TMIE: variants seen among roughly 807,000 people sequenced by gnomAD.
TMIE encodes transmembrane inner ear.
A neutral mutation model predicts 16.8 loss-of-function variants in TMIE; 14 were observed. That is an observed-to-expected ratio of 0.83 (90% CI 0.55 to 1.30). The LOEUF (loss-of-function observed/expected upper bound fraction) is 1.30. TMIE is among the 50% of genes most tolerant of loss of function. The pLI is 0.00. For synonymous variants in TMIE, 75 were observed against 87.2 expected, an observed-to-expected ratio of 0.86 and a Z score of 0.78; for missense variants, 204 against 205.9, an observed-to-expected ratio of 0.99 and a Z score of 0.06.
intron 2 of TMIE, among the ~76,000 whole-genome samples, chr3:46,707,208 C>T (rs1404080222): frequency 6.6e-6 from 1 of 152,202 alleles, no homozygotes; most frequent in Non-Finnish European, 1.5e-5. Flanking sequence ...ATCTGCCCTA[C>T]AGGAGCCACA....
At chr3:46,704,458 A>G (rs1480366869) in intron 1 of TMIE, among the ~76,000 whole-genome samples, 3 of 140,294 alleles carry the variant, frequency 2.1e-5, no homozygotes, top group African/African-American at 5.5e-5. Context: ...CATGTCCCCT[A>G]GACACCCAGG....
At chr3:46,709,495 T>C in intron 3 of TMIE, 84 bp from the exon 4 acceptor site, 1 of 1,613,244 alleles carries the variant, frequency 6.2e-7, no homozygotes, top group Non-Finnish European at 8.5e-7. Flanking sequence ...GTGTAGGAGG[T>C]TCTGGGGCTC....
At position 46,705,845 on chromosome 3, in the gene TMIE, T is replaced by G. The variant is rs1257084555; in HGVS notation, c.149T>G (p.Val50Gly). Residue 50 changes from valine (V) to glycine (G), a missense_variant, in exon 2 of 4, where the codon GTG becomes GGG. Coordinates refer to ENST00000643606, the MANE Select transcript of TMIE (RefSeq NM_147196.3). Reference protein sequence around the residue: ...KPPPLTKETVVFWDMRLWHVV... With the variant: ...KPPPLTKETVGFWDMRLWHVV... ...CCTCCGCTGACCAAGGAGACAGTGG[T>G]GTTCTGGGACATGCGCCTGTGGCAC... 6.2e-7 allele frequency: 1 copy of G among 1,614,076 alleles called. No individual in the cohort carries two copies.
At chr3:46,708,846 G>C (rs1295341134) in intron 2 of TMIE, among the ~76,000 whole-genome samples, 3 of 152,252 alleles carry the variant, frequency 2.0e-5, no homozygotes, top group African/African-American at 7.2e-5. Flanking sequence ...TCTCAGTCTA[G>C]TCAGAAAGAC....
upstream of TMIE, among the ~76,000 whole-genome samples, chr3:46,699,060 A>AT (rs397951323): frequency 0.045 from 3,813 of 84,824 alleles, 520 homozygotes; most frequent in Admixed American, 0.16. Flanking sequence ...GGTGTTTCTT[A>AT]TTTTTTTTTT....
intron 1 of TMIE, among the ~76,000 whole-genome samples, chr3:46,705,410 C>A (rs74610487): frequency 6.6e-6 from 1 of 152,170 alleles, no homozygotes; most frequent in Non-Finnish European, 1.5e-5. Flanking sequence ...TTAGCCAGCA[C>A]CCCCCAGGCC....
intron 2 of TMIE, 113 bp downstream of exon 2, chr3:46,706,020 C>A: frequency 9.1e-7 from 1 of 1,095,684 alleles, no homozygotes; most frequent in Non-Finnish European, 1.4e-6. Flanking sequence ...GCCAGGCACC[C>A]GCAGGAGACC....
chr3:46,694,711 C>A (rs1227295853), intron 1 of TMIE: 1 of 152,270 alleles, frequency 6.6e-6, no homozygotes, highest in Non-Finnish European at 1.5e-5. Flanking sequence ...CTGCACATCA[C>A]CCCTTGGAGG....
chr3:46,709,341 C>T (rs1165083548), intron 3 of TMIE, 66 bp downstream of exon 3: 3 of 1,610,688 alleles, frequency 1.9e-6, no homozygotes, highest in Non-Finnish European at 8.5e-7. Flanking sequence ...CCTGGAGTCA[C>T]CCTGTTCCTC....
chr3:46,708,099 C>T (rs1700575542), intron 2 of TMIE, among the ~76,000 whole-genome samples: 1 of 152,188 alleles, frequency 6.6e-6, no homozygotes, highest in Admixed American at 6.5e-5. Context: ...GTCCTGTTCC[C>T]AACAGCAAAG....
At chr3:46,709,369 G>A in intron 3 of TMIE, 94 bp downstream of exon 3, 1 of 1,605,796 alleles carries the variant, frequency 6.2e-7, no homozygotes, top group Non-Finnish European at 8.5e-7. Flanking sequence ...ACCAAAGCAG[G>A]TTCAGGGAGG....
intron 1 of TMIE, among the ~76,000 whole-genome samples, chr3:46,704,010 A>G (rs1410724462): frequency 3.9e-5 from 6 of 152,166 alleles, no homozygotes; most frequent in African/African-American, 7.2e-5. Flanking sequence ...AGTGACAGAC[A>G]TGGGGTCATA....
chr3:46,695,021 C>G (rs569754526), intron 1 of TMIE, among the ~76,000 whole-genome samples: 19 of 152,300 alleles, frequency 1.2e-4, no homozygotes, highest in African/African-American at 4.6e-4. Flanking sequence ...CTCAAGGAGG[C>G]TTCTGGTGAG....
intron 2 of TMIE, among the ~76,000 whole-genome samples, chr3:46,708,645 C>T (rs182189914): frequency 1.3e-5 from 2 of 152,362 alleles, no homozygotes; most frequent in Admixed American, 6.5e-5. Flanking sequence ...CAGGGATGTC[C>T]TCAGGGAGGC....
Position 46,701,601 on chromosome 3 carries a change from G to C in TMIE, c.93+21G>C. 4 of 1,279,488 alleles carry C rather than the reference G, an allele frequency of 3.1e-6. No homozygotes were observed. The highest frequency in any genetic ancestry group is 3.9e-6 in the Non-Finnish European group (4 of 1,016,570). The allele number at this position is 1,279,488 out of a possible 1,614,324, so 79.3% of individuals were successfully genotyped here. A position where few individuals can be genotyped will look rare whatever the true frequency, so the allele number is the denominator to read the frequency against. Reference sequence around the variant, plus strand: ...TGGAGGTGAGGCCGCGGCACGGAGGGACTGGGGAGGCTGTCACCCTCCAGG... The same window carrying C: ...TGGAGGTGAGGCCGCGGCACGGAGGCACTGGGGAGGCTGTCACCCTCCAGG... On this transcript the variant is annotated intron_variant, in intron 1 of 3. Coordinates refer to ENST00000643606, the MANE Select transcript of TMIE (RefSeq NM_147196.3). The surrounding 1 kb of genome is among the most constrained non-coding windows in gnomAD (Gnocchi z 4.3).
chr3:46,696,920 A>G (rs529757346), upstream of TMIE, among the ~76,000 whole-genome samples: 22 of 152,108 alleles, frequency 1.4e-4, no homozygotes, highest in Non-Finnish European at 2.9e-4. Context: ...GATGGGCCCA[A>G]CTGATTTTGG....
rs1421834280 is a variant in TMIE, at chr3:46,709,600, A to T, written c.383A>T (p.Lys128Met). The T allele has an allele frequency of 6.8e-6, 11 of 1,613,882 alleles. No homozygotes were observed. The highest frequency in any genetic ancestry group is 9.3e-6 in the Non-Finnish European group (11 of 1,179,904). ...ACAGAGGATAAGAAGAAGAAGAAGA[A>T]GAAGAAGAAGGACAGTGTGGACACA... is the stretch of plus-strand genomic sequence containing the variant. ...VPGEDKKKKK[K>M]KKKDSVDTVA... Residue 128 changes from lysine to methionine, a missense_variant, in exon 4 of 4, where the codon AAG becomes ATG. Coordinates refer to ENST00000643606, the MANE Select transcript of TMIE (RefSeq NM_147196.3).
chr3:46,703,438 C>G (rs770459894), intron 1 of TMIE, among the ~76,000 whole-genome samples: 1 of 152,160 alleles, frequency 6.6e-6, no homozygotes, highest in Non-Finnish European at 1.5e-5. Context: ...GCCGGGCCAA[C>G]ACATTGAGCC....
At chr3:46,695,471 T>G (rs1281737343) in intron 1 of TMIE, among the ~76,000 whole-genome samples, 1 of 152,158 alleles carries the variant, frequency 6.6e-6, no homozygotes, top group African/African-American at 2.4e-5. Flanking sequence ...TTCAAGGGGC[T>G]CCTTCAGGGA....
Sources: gnomAD v4.1 joint callset for allele counts (sites outside exome capture counted in the v4.1 genomes callset) on GRCh38, gnomAD v4.1.1 for gene constraint, Gnocchi (gnomAD v3.1) non-coding constraint, MANE v1.5 for transcripts, NCBI Gene and HGNC (gene_info 2026-07-23, HGNC 2026-07-21) for gene names.